Variants in SHISA9 observed in about 807,000 individuals in gnomAD.
The protein encoded by SHISA9 is protein shisa-9.
In SHISA9, 13 loss-of-function variants were observed where a neutral mutation model predicts 38.0. The ratio of observed to expected loss-of-function variants is 0.34; its 90% CI spans 0.22 to 0.54. The LOEUF (loss-of-function observed/expected upper bound fraction) is 0.54, where lower values mean the gene tolerates loss of function less well. Among genes scored for constraint, SHISA9 ranks in the 20% least tolerant of loss-of-function variants. SHISA9 has a pLI of 0.91. For synonymous variants in SHISA9, 275 were observed against 242.0 expected, an observed-to-expected ratio of 1.14 and a Z score of -1.27; for missense variants, 538 against 575.8, an observed-to-expected ratio of 0.93 and a Z score of 0.67.
At chr16:13,225,575 G>T (rs1276220563) in intron 4 of SHISA9, among the ~76,000 whole-genome samples, 1 of 152,208 alleles carries the variant, frequency 6.6e-6, no homozygotes, top group Non-Finnish European at 1.5e-5. Flanking sequence ...TTGGGGCATT[G>T]CTTACCAGGT....
At chr16:13,496,056 C>A in the SHISA9 span, among the ~76,000 whole-genome samples, 9 of 152,022 alleles carry the variant, frequency 5.9e-5, no homozygotes, top group African/African-American at 2.2e-4. Flanking sequence ...TTATGGATGA[C>A]CTGAATTTGT....
chr16:13,425,891 GTTA>G, the SHISA9 span, among the ~76,000 whole-genome samples: 2 of 152,114 alleles, frequency 1.3e-5, no homozygotes, highest in African/African-American at 4.8e-5. Flanking sequence ...TACTGTAGTT[GTTA>G]TTGTGGCTTT....
intron 2 of SHISA9, among the ~76,000 whole-genome samples, chr16:13,010,103 A>C (rs1379626877): frequency 6.6e-6 from 1 of 152,170 alleles, no homozygotes; most frequent in Non-Finnish European, 1.5e-5. Flanking sequence ...GCTTGAGCCC[A>C]GGAGGTTGAG....
intron 2 of SHISA9, among the ~76,000 whole-genome samples, chr16:13,078,661 C>A (rs572748838): frequency 3.3e-5 from 5 of 152,204 alleles, no homozygotes; most frequent in Non-Finnish European, 5.9e-5. Context: ...CCACCTTGGT[C>A]TCCCAAGGTA....
chr16:13,070,652 C>T (rs1260272979), intron 2 of SHISA9, among the ~76,000 whole-genome samples: 4 of 152,224 alleles, frequency 2.6e-5, no homozygotes, highest in Non-Finnish European at 5.9e-5. Flanking sequence ...CCAGGACAAT[C>T]ATAGCTAACA....
chr16:12,953,752 A>C (rs966888195), intron 2 of SHISA9, among the ~76,000 whole-genome samples: 1 of 152,216 alleles, frequency 6.6e-6, no homozygotes, highest in Non-Finnish European at 1.5e-5. Flanking sequence ...TGGGTAATTT[A>C]TAAAGAAAGG....
the SHISA9 span, among the ~76,000 whole-genome samples, chr16:13,286,146 G>A: frequency 7.9e-5 from 12 of 152,072 alleles, no homozygotes; most frequent in East Asian, 2.3e-3. Flanking sequence ...CTCTTGAGTT[G>A]TCTTGCCTTT....
intron 2 of SHISA9, among the ~76,000 whole-genome samples, chr16:13,186,025 A>G (rs2050818329): frequency 6.6e-6 from 1 of 152,174 alleles, no homozygotes; most frequent in Non-Finnish European, 1.5e-5. Context: ...CTTGAACTCC[A>G]TGGTAGCGAA....
intron 4 of SHISA9, among the ~76,000 whole-genome samples, chr16:13,225,831 A>T (rs2051273844): frequency 1.3e-5 from 2 of 152,162 alleles, no homozygotes; most frequent in Admixed American, 6.6e-5. Flanking sequence ...AGACAGATGG[A>T]GGAAGGTATA....
At position 12,902,168 on chromosome 16, in the gene SHISA9, T is replaced by A; in HGVS notation, c.104T>A (p.Leu35Gln). 2.0e-6 allele frequency: 3 copies of A among 1,504,072 alleles called. No homozygotes were observed. Among genetic ancestry groups the A allele is most frequent in the African/African-American group, 1.4e-5 (1 of 71,036 alleles). The allele number at this position is 1,504,072 out of a possible 1,614,324, so 93.2% of individuals were successfully genotyped here. A position where few individuals can be genotyped will look rare whatever the true frequency, so the allele number is the denominator to read the frequency against. Residue 35 changes from leucine (L) to glutamine (Q), a missense_variant, in exon 1 of 5, where the codon CTG (leucine) becomes CAG (glutamine). Leu to Gln is a moderately radical substitution (Grantham distance 113, BLOSUM62 -2). This residue lies in a region of SHISA9 where 107 missense variants were observed against 103.0 expected (regional missense o/e 1.04). Transcript: ENST00000558583. ...GCGGGACACGGGCAGCTGGCGCAAC[T>A]GGGCGGCGTGTTGCTGCTGGCGGGG... ...ERAGHGQLAQLGGVLLLAGGN... is the reference protein window; with the variant it reads ...ERAGHGQLAQQGGVLLLAGGN...
At chr16:13,543,771 C>T in the SHISA9 span, among the ~76,000 whole-genome samples, 45 of 152,176 alleles carry the variant, frequency 3.0e-4, no homozygotes, top group African/African-American at 1.1e-3. Context: ...AGATAATGCT[C>T]GCCTCTGAGT....
At chr16:13,204,635 A>G (rs2051045466) in intron 3 of SHISA9, among the ~76,000 whole-genome samples, 1 of 152,230 alleles carries the variant, frequency 6.6e-6, no homozygotes, top group South Asian at 2.1e-4. Context: ...TCAGGATTTA[A>G]GTATTTACGG....
At chr16:13,261,429 C>T in the SHISA9 span, among the ~76,000 whole-genome samples, 1 of 152,128 alleles carries the variant, frequency 6.6e-6, no homozygotes, top group African/African-American at 2.4e-5. Flanking sequence ...GTGCCAGACA[C>T]TGACATTAAG....
chr16:13,331,145 T>A, the SHISA9 span, among the ~76,000 whole-genome samples: 2 of 151,994 alleles, frequency 1.3e-5, no homozygotes, highest in African/African-American at 4.8e-5. Flanking sequence ...GGACCAGACA[T>A]AACAATGGTG....
chr16:13,129,562 C>A (rs1460806494), intron 2 of SHISA9, among the ~76,000 whole-genome samples: 3 of 152,180 alleles, frequency 2.0e-5, no homozygotes, highest in Non-Finnish European at 4.4e-5. Context: ...TACATCTGGT[C>A]TAGCTGGTTT....
chr16:13,017,162 G>C (rs571437627), intron 2 of SHISA9, among the ~76,000 whole-genome samples: 1 of 152,000 alleles, frequency 6.6e-6, no homozygotes, highest in Non-Finnish European at 1.5e-5. Context: ...TGGGATTACA[G>C]GCCCCCGCCA....
the SHISA9 span, among the ~76,000 whole-genome samples, chr16:13,406,925 G>A: frequency 1.3e-5 from 2 of 151,930 alleles, no homozygotes; most frequent in Admixed American, 6.6e-5. Context: ...AAAATTAGCT[G>A]GGTGTGGTGG....
At chr16:13,334,256 C>A in the SHISA9 span, among the ~76,000 whole-genome samples, 290 of 152,286 alleles carry the variant, frequency 1.9e-3, no homozygotes, top group African/African-American at 6.4e-3. Context: ...GAAGAACATA[C>A]CTCTTAGTGG....
At chr16:12,903,704 CT>C (rs1555499138) in intron 1 of SHISA9, among the ~76,000 whole-genome samples, 1 of 152,028 alleles carries the variant, frequency 6.6e-6, no homozygotes, top group Non-Finnish European at 1.5e-5. Context: ...GGGGCATAAG[CT>C]TTAACTGTCC....
Sources: gnomAD v4.1 joint callset for allele counts (sites outside exome capture counted in the v4.1 genomes callset) on GRCh38, gnomAD v4.1.1 for gene constraint, gnomAD v4.1.1 regional missense constraint, MANE v1.5 for transcripts, NCBI Gene and HGNC (gene_info 2026-07-23, HGNC 2026-07-21) for gene names.